The following ARHGAP8 variants were observed in gnomAD, a reference collection of about 807,000 sequenced individuals.
ARHGAP8 encodes rho GTPase-activating protein 8.
A neutral mutation model predicts 46.1 loss-of-function variants in ARHGAP8; 62 were observed. That is an observed-to-expected ratio of 1.34 (90% confidence interval 1.10 to 1.66). ARHGAP8 has a LOEUF of 1.66. Ranked by LOEUF, ARHGAP8 falls within the 40% of genes most tolerant of loss-of-function variation. The pLI is 0.00. For synonymous variants in ARHGAP8, 375 were observed against 243.1 expected (o/e 1.54, Z -5.05); for missense variants, 923 against 568.4 (o/e 1.62, Z -6.34).
At chr22:44,757,486 A>C (rs1364563930) in intron 1 of ARHGAP8, among the ~76,000 whole-genome samples, 1 of 152,102 alleles carries the variant, frequency 6.6e-6, no homozygotes, top group African/African-American at 2.4e-5. Flanking sequence ...CATGTTGGCC[A>C]TGCTGGTCTC....
At chr22:44,760,375 C>T (rs132450) in intron 1 of ARHGAP8, among the ~76,000 whole-genome samples, 60,014 of 152,000 alleles carry the variant, frequency 0.39, 12,639 homozygotes, top group African/African-American at 0.49. Flanking sequence ...CATTCCTGGA[C>T]TTTCCCAGGA....
chr22:44,799,668 C>T (rs1928342765), intron 2 of ARHGAP8, among the ~76,000 whole-genome samples: 1 of 152,148 alleles, frequency 6.6e-6, no homozygotes, highest in Non-Finnish European at 1.5e-5. Flanking sequence ...TGTTTTCACC[C>T]TTGGCACATG....
In ARHGAP8 at chr22:44,862,650, G is replaced by T. The variant is rs1443597562; in HGVS notation, c.*55G>T. ...ACCTCCCACACCTGTCTGTGCACTTGTATGTTTTGTAAACTTGGCATCTGT... is the reference window on the plus strand; with the variant it reads ...ACCTCCCACACCTGTCTGTGCACTTTTATGTTTTGTAAACTTGGCATCTGT... On this transcript the variant is annotated 3_prime_UTR_variant, in exon 12 of 12. Coordinates refer to ENST00000356099, the MANE Select transcript of ARHGAP8 (RefSeq NM_181335.3). 2 of 1,500,142 alleles carry T rather than the reference G, an allele frequency of 1.3e-6. No individual in the cohort carries two copies. Among genetic ancestry groups the T allele is most frequent in the Non-Finnish European group, 8.9e-7 (1 of 1,123,302 alleles). The allele number at this position is 1,500,142 out of a possible 1,614,324, so 92.9% of individuals were successfully genotyped here.
chr22:44,786,341 G>A (rs1352688193), intron 1 of ARHGAP8, 116 bp from the exon 2 acceptor site: 22 of 1,354,808 alleles, frequency 1.6e-5, no homozygotes, highest in East Asian at 1.0e-4. Context: ...GAGGTAGGGC[G>A]CGTAGTGGGT....
Position 44,802,098 on chromosome 22 carries a change from G to A in ARHGAP8, c.101G>A (p.Arg34His), listed in dbSNP as rs368399115. ...QVAGDDRFGR[R>H]VVTFSCCRMP... ...CCAGGGGATGACCGCTTTGGAAGAC[G>A]TGTTGTCACGTTCAGCTGCTGCCGG... The change falls in exon 3 of 12, where the codon CGT becomes CAT. Residue 34 changes from arginine to histidine, a missense_variant. Arg to His is a conservative substitution (Grantham distance 29). Coordinates refer to ENST00000356099, the MANE Select transcript of ARHGAP8 (RefSeq NM_181335.3). 3.8e-5 allele frequency: 62 copies of A among 1,614,034 alleles called. No homozygotes were observed. Among genetic ancestry groups the A allele is most frequent in the Admixed American group, 5.0e-5 (3 of 60,004 alleles).
At chr22:44,829,304 AAAAAAG>A (rs993867418) in intron 7 of ARHGAP8, among the ~76,000 whole-genome samples, 2 of 151,690 alleles carry the variant, frequency 1.3e-5, no homozygotes, top group African/African-American at 4.9e-5. Context: ...AAAGAAAAAA[AAAAAAG>A]AAAAAGAAAA....
chr22:44,822,440 C>G lies in ARHGAP8; in HGVS notation c.456C>G (p.Asp152Glu), dbSNP rs753961460. The change falls in exon 6 of 12, where the codon GAC (aspartate) becomes GAG (glutamate). Residue 152 changes from aspartate (D) to glutamate (E), a missense_variant. Coordinates refer to ENST00000356099, the MANE Select transcript of ARHGAP8 (RefSeq NM_181335.3). ...LSELHEHLKY[D>E]QLVIPPEVLR... Reference sequence around the variant, plus strand: ...AGCTCCACGAACACCTTAAATACGACCAGCTGGTCATCCCTCCCGAAGTTT... The same window carrying G: ...AGCTCCACGAACACCTTAAATACGAGCAGCTGGTCATCCCTCCCGAAGTTT... The G allele has an allele frequency of 1.9e-6, 3 of 1,565,140 alleles. No homozygotes were observed. In the African/African-American group the frequency reaches 4.2e-5, roughly 22 times the overall value.
chr22:44,761,634 T>TA (rs2146991763), intron 1 of ARHGAP8, among the ~76,000 whole-genome samples: 1 of 152,278 alleles, frequency 6.6e-6, no homozygotes, highest in South Asian at 2.1e-4. Flanking sequence ...GGTTGAGAGC[T>TA]ATGAGTAATG....
At chr22:44,789,043 A>G (rs1025959470) in intron 2 of ARHGAP8, among the ~76,000 whole-genome samples, 2 of 152,204 alleles carry the variant, frequency 1.3e-5, no homozygotes, top group African/African-American at 4.8e-5. Context: ...CTCAGTTACT[A>G]ATGGAAGAGT....
At chr22:44,819,276 A>G (rs575104503) in intron 5 of ARHGAP8, among the ~76,000 whole-genome samples, 3 of 152,304 alleles carry the variant, frequency 2.0e-5, no homozygotes, top group African/African-American at 4.8e-5. Flanking sequence ...CATGTTACCC[A>G]GGCTCCTCTC....
intron 11 of ARHGAP8, among the ~76,000 whole-genome samples, chr22:44,861,955 C>G (rs2070509230): frequency 6.6e-6 from 1 of 152,228 alleles, no homozygotes; most frequent in Admixed American, 6.5e-5. Context: ...TTCGTACCGT[C>G]TGTGCTACAG....
rs397964298 is a variant in ARHGAP8 at position 44,858,551 on chromosome 22, T to TTTTTTTTTTC, written c.878-1180_878-1179insTTTTTTTTTC. Among the ~76,000 whole-genome samples the TTTTTTTTTTC allele has an allele frequency of 3.0e-4, 35 of 117,898 alleles. 1 individual carries two copies. The highest frequency in any genetic ancestry group is 1.2e-3 in the African/African-American group (34 of 27,920). 77.3% of individuals were successfully genotyped at this position (117,898 alleles called of 152,430 possible). ...TACCCGGCTTTTTTTTTTTTTTTTT[T>TTTTTTTTTTC]AAGTAACAGGGTTTCACCATGTTGG... On this transcript the variant is annotated intron_variant, in intron 10 of 11. Transcript: ENST00000356099.
intron 1 of ARHGAP8, among the ~76,000 whole-genome samples, chr22:44,768,384 C>G (rs1264755783): frequency 6.6e-6 from 1 of 152,066 alleles, no homozygotes; most frequent in Admixed American, 6.6e-5. Flanking sequence ...GCTGCAGCCT[C>G]AACCTCCTGG....
chr22:44,777,186 G>GC (rs1926489785), intron 1 of ARHGAP8: 1 of 152,042 alleles, frequency 6.6e-6, no homozygotes, highest in Admixed American at 6.6e-5. Flanking sequence ...CTCCCGCTGG[G>GC]CCCAGGCCTT....
intron 10 of ARHGAP8, among the ~76,000 whole-genome samples, chr22:44,857,430 A>G (rs962491754): frequency 6.6e-6 from 1 of 152,138 alleles, no homozygotes; most frequent in African/African-American, 2.4e-5. Flanking sequence ...TGGACTAACA[A>G]AAGACAGATT....
At chr22:44,799,272 A>G (rs1343590130) in intron 2 of ARHGAP8, among the ~76,000 whole-genome samples, 2 of 152,150 alleles carry the variant, frequency 1.3e-5, no homozygotes, top group African/African-American at 4.8e-5. Context: ...CTCCCTGTAC[A>G]TTACCCCTCC....
chr22:44,780,401 C>G (rs1926756661), intron 1 of ARHGAP8, among the ~76,000 whole-genome samples: 1 of 152,046 alleles, frequency 6.6e-6, no homozygotes, highest in East Asian at 1.9e-4. Context: ...TGGCTCATGC[C>G]TGTAATCCCT....
At chr22:44,849,126 C>T in intron 10 of ARHGAP8, 66 bp downstream of exon 10, 1 of 1,603,402 alleles carries the variant, frequency 6.2e-7, no homozygotes, top group Non-Finnish European at 8.5e-7. Context: ...CAGCTACTGG[C>T]CCAGGGTCAG....
chr22:44,833,126 T>A, intron 7 of ARHGAP8, among the ~76,000 whole-genome samples: 1 of 143,734 alleles, frequency 7.0e-6, no homozygotes. Flanking sequence ...AGATAGAGTC[T>A]CCCTCTGTTG....
Sources: gnomAD v4.1 joint callset for allele counts (sites outside exome capture counted in the v4.1 genomes callset) on GRCh38, gnomAD v4.1.1 for gene constraint, MANE v1.5 for transcripts, NCBI Gene and HGNC (gene_info 2026-07-23, HGNC 2026-07-21) for gene names.